The following ATXN2 variants were observed in gnomAD, a reference collection of about 807,000 sequenced individuals.
ATXN2 encodes ataxin-2.
ATXN2 carries 37 observed loss-of-function variants against 138.6 expected under a neutral mutation model. That is an observed-to-expected ratio of 0.27 (90% confidence interval 0.21 to 0.35). The LOEUF is 0.35. Ranked by LOEUF, ATXN2 falls within the 10% of genes least tolerant of loss-of-function variation. The probability of loss-of-function intolerance (pLI) is 1.00; values close to 1 mark genes in which losing one functional copy is unlikely to be tolerated. For synonymous variants in ATXN2, 549 were observed against 543.7 expected (o/e 1.01, Z -0.13); for missense variants, 1,216 against 1,480.3 (o/e 0.82, Z 2.93).
At chr12:111,471,029 C>G in intron 18 of ATXN2, 1 of 391,020 alleles carries the variant, frequency 2.6e-6, no homozygotes, top group Admixed American at 3.6e-5. Flanking sequence ...GGCCCTCAGA[C>G]TTGATCAAGT....
Position 111,519,934 on chromosome 12 carries a change from A to G in ATXN2, c.931T>C (p.Tyr311His), listed in dbSNP as rs1311634362. Residue 311 changes from tyrosine (Y) to histidine (H), a missense_variant, in exon 8 of 25, where the codon TAC becomes CAC. Physicochemically the swap from Tyr to His is moderately conservative, Grantham distance 83. Coordinates refer to ENST00000673436, the MANE Select transcript of ATXN2 (RefSeq NM_001372574.1). ...CTGGAATTTCTCTGAACTGCTGTGT[A>G]TTTTTCTTCCTCACTCCTATCATCA... ...ENDDRSEEEK[Y>H]TAVQRNSSER... The G allele has an allele frequency of 9.3e-6, 15 of 1,613,802 alleles. No individual in the cohort carries two copies. The highest frequency in any genetic ancestry group is 1.2e-5 in the Non-Finnish European group (14 of 1,180,000).
At chr12:111,577,302 G>A (rs1208049325) in intron 1 of ATXN2, among the ~76,000 whole-genome samples, 5 of 152,044 alleles carry the variant, frequency 3.3e-5, no homozygotes, top group African/African-American at 1.2e-4. Flanking sequence ...GTCTCGCTCT[G>A]TTGCCCAGGC....
intron 14 of ATXN2, among the ~76,000 whole-genome samples, chr12:111,494,772 T>C (rs1878303236): frequency 6.7e-6 from 1 of 150,208 alleles, no homozygotes; most frequent in South Asian, 2.1e-4. Context: ...ACACAAAAAA[T>C]ATAAAGCAGG....
intron 3 of ATXN2, among the ~76,000 whole-genome samples, chr12:111,553,378 T>C (rs1202570903): frequency 6.6e-6 from 1 of 151,984 alleles, no homozygotes; most frequent in Non-Finnish European, 1.5e-5. Context: ...CTTAAGTCAC[T>C]TACATAAAAT....
intron 20 of ATXN2, chr12:111,469,100 A>C (rs985317184): frequency 5.3e-5 from 8 of 152,236 alleles, no homozygotes; most frequent in African/African-American, 1.9e-4. Flanking sequence ...CAAAAAGTTC[A>C]AAGAGGCTTT....
At chr12:111,586,292 G>A (rs540244401) in intron 1 of ATXN2, among the ~76,000 whole-genome samples, 1 of 150,240 alleles carries the variant, frequency 6.7e-6, no homozygotes, top group Non-Finnish European at 1.5e-5. Flanking sequence ...CACAATCTGA[G>A]CTCACTGCAA....
chr12:111,581,913 A>C (rs538638999), intron 1 of ATXN2: 1 of 212,076 alleles, frequency 4.7e-6, no homozygotes, highest in Non-Finnish European at 9.5e-6. Context: ...ACTTTTCTAC[A>C]ATGGCATTCA....
At chr12:111,466,230 G>C (rs917285745) in intron 20 of ATXN2, among the ~76,000 whole-genome samples, 8 of 151,250 alleles carry the variant, frequency 5.3e-5, no homozygotes, top group Admixed American at 1.3e-4. Flanking sequence ...TGGGCACAGT[G>C]GCTCACGCCT....
intron 5 of ATXN2, among the ~76,000 whole-genome samples, chr12:111,529,882 T>C (rs1040796224): frequency 6.6e-6 from 1 of 152,204 alleles, no homozygotes; most frequent in Non-Finnish European, 1.5e-5. Flanking sequence ...TAAAATGACA[T>C]AAAACTGGAT....
intron 14 of ATXN2, among the ~76,000 whole-genome samples, chr12:111,500,163 G>A (rs1188496860): frequency 6.6e-6 from 1 of 152,198 alleles, no homozygotes; most frequent in Non-Finnish European, 1.5e-5. Context: ...GCACTCCCAT[G>A]TTTACTACGG....
intron 14 of ATXN2, among the ~76,000 whole-genome samples, chr12:111,493,877 C>T (rs1356899309): frequency 6.6e-6 from 1 of 152,116 alleles, no homozygotes; most frequent in Non-Finnish European, 1.5e-5. Context: ...TTCGCCCCAC[C>T]TTTGCCTTCC....
intron 5 of ATXN2, among the ~76,000 whole-genome samples, chr12:111,536,038 A>G (rs1311353718): frequency 6.6e-6 from 1 of 151,982 alleles, no homozygotes; most frequent in Non-Finnish European, 1.5e-5. Flanking sequence ...AATGAGAGAT[A>G]AGGTTGAAAA....
chr12:111,458,562 G>A (rs1165489796), intron 21 of ATXN2, among the ~76,000 whole-genome samples: 3 of 152,304 alleles, frequency 2.0e-5, no homozygotes, highest in East Asian at 3.9e-4. Context: ...AGAATAGAGC[G>A]TTCTCAAGAC....
intron 9 of ATXN2, among the ~76,000 whole-genome samples, chr12:111,517,609 C>A (rs376364112): frequency 1.5e-4 from 23 of 152,240 alleles, no homozygotes; most frequent in African/African-American, 5.1e-4. Context: ...TATATTCAAC[C>A]TAGATTTAGA....
intron 3 of ATXN2, 33 bp downstream of exon 3, chr12:111,554,125 A>C (rs2135788234): frequency 7.3e-7 from 1 of 1,360,710 alleles, no homozygotes; most frequent in East Asian, 2.5e-5. Flanking sequence ...TCTACCCCCA[A>C]GGCAGTTTAT....
At chr12:111,591,927 C>A (rs1884684449) in intron 1 of ATXN2, among the ~76,000 whole-genome samples, 1 of 151,580 alleles carries the variant, frequency 6.6e-6, no homozygotes, top group Non-Finnish European at 1.5e-5. Context: ...GCTAAAAATA[C>A]AAAAATTAGC....
chr12:111,512,733 G>T (rs1413394144), intron 11 of ATXN2: 1 of 152,354 alleles, frequency 6.6e-6, no homozygotes, highest in Non-Finnish European at 1.5e-5. Context: ...TGGGATTACA[G>T]GCGTGAGCCA....
chr12:111,452,537 A>G lies in ATXN2; in HGVS notation c.*275T>C, dbSNP rs1170771999. ...TTTCAAGGGTTATTAAAAAATAAAT[A>G]ACTTCCAGTTTCGGCAAGCAGAGCT... On this transcript the variant is annotated 3_prime_UTR_variant, in exon 25 of 25. Coordinates refer to ENST00000673436, the MANE Select transcript of ATXN2 (RefSeq NM_001372574.1). The G allele has an allele frequency of 5.3e-6, 2 of 376,902 alleles. No homozygotes were observed. The highest frequency in any genetic ancestry group is 9.6e-6 in the Non-Finnish European group (2 of 209,394). 23.3% of individuals were successfully genotyped at this position (376,902 alleles called of 1,614,324 possible).
intron 5 of ATXN2, among the ~76,000 whole-genome samples, chr12:111,550,462 T>C (rs1882062458): frequency 4.6e-5 from 7 of 151,900 alleles, no homozygotes; most frequent in Admixed American, 4.6e-4. Flanking sequence ...TAGGGAACCT[T>C]TTTTTTTGTT....
Sources: gnomAD v4.1 joint callset for allele counts (sites outside exome capture counted in the v4.1 genomes callset) on GRCh38, gnomAD v4.1.1 for gene constraint, MANE v1.5 for transcripts, NCBI Gene and HGNC (gene_info 2026-07-23, HGNC 2026-07-21) for gene names.